MGAT1: variants seen among roughly 807,000 people sequenced by gnomAD.
The protein encoded by MGAT1 is N-glycosyl-oligosaccharide-glycoprotein N-acetylglucosaminyltransferase I.
Under a neutral mutation model 31.7 loss-of-function variants are expected in MGAT1, and 14 were observed. That is an observed-to-expected ratio of 0.44 (90% CI 0.29 to 0.69). MGAT1 has a LOEUF of 0.69. MGAT1 is among the 30% of genes least tolerant of loss of function. The pLI, the probability that MGAT1 is intolerant of heterozygous loss-of-function variation, is 0.12. For synonymous variants in MGAT1, 338 were observed against 276.0 expected, an observed-to-expected ratio of 1.22 and a Z score of -2.23; for missense variants, 557 against 626.0, an observed-to-expected ratio of 0.89 and a Z score of 1.18.
intron 1 of MGAT1, among the ~76,000 whole-genome samples, chr5:180,793,822 G>A (rs1287747225): frequency 6.6e-6 from 1 of 152,112 alleles, no homozygotes; most frequent in Non-Finnish European, 1.5e-5. Flanking sequence ...ACAAAAGCCA[G>A]AGAAATGAGA....
chr5:180,794,660 A>C (rs1218215854), intron 1 of MGAT1, among the ~76,000 whole-genome samples: 1 of 151,622 alleles, frequency 6.6e-6, no homozygotes, highest in African/African-American at 2.4e-5. Context: ...TCTGAAACAC[A>C]TGTTGGGATT....
intron 1 of MGAT1, chr5:180,795,638 G>A (rs538286423): frequency 6.6e-6 from 1 of 152,198 alleles, no homozygotes; most frequent in African/African-American, 2.4e-5. Flanking sequence ...AAGAGAGTGT[G>A]TACGAATATC....
intron 1 of MGAT1, among the ~76,000 whole-genome samples, chr5:180,812,582 A>G (rs1772644856): frequency 6.6e-6 from 1 of 152,154 alleles, no homozygotes; most frequent in South Asian, 2.1e-4. Flanking sequence ...ACACACACAC[A>G]CACATACATA....
At chr5:180,798,478 C>T (rs1769980720) in intron 1 of MGAT1, among the ~76,000 whole-genome samples, 1 of 152,202 alleles carries the variant, frequency 6.6e-6, no homozygotes, top group Non-Finnish European at 1.5e-5. Flanking sequence ...CTCAACTTCT[C>T]TCAGGCCCCC....
upstream of MGAT1, among the ~76,000 whole-genome samples, chr5:180,807,198 C>T (rs75851256): frequency 0.036 from 5,467 of 152,298 alleles, 122 homozygotes; most frequent in African/African-American, 0.063. Context: ...GTCACCCATC[C>T]TCAAGGAACA....
In MGAT1 at chr5:180,792,039, C is replaced by G. The variant is rs368127999; in HGVS notation, c.933G>C (p.Thr311=). 2 of 1,613,992 alleles carry G rather than the reference C, an allele frequency of 1.2e-6. No individual in the cohort carries two copies. Among genetic ancestry groups the G allele is most frequent in the East Asian group, 2.2e-5 (1 of 44,882 alleles). ...RACIRPEISR[T]MTFGRKGVSH... is the part of the protein sequence containing the mutation. ...TCACACCCTTGCGGCCAAAGGTCAT[C>G]GTTCTTGAGATCTCAGGGCGTATGC... is the stretch of plus-strand genomic sequence containing the variant. The change falls in exon 2 of 2, where the codon ACG becomes ACC. Residue 311 remains threonine, a synonymous_variant. Transcript: ENST00000307826.
intron 1 of MGAT1, among the ~76,000 whole-genome samples, chr5:180,797,429 A>AG (rs796983204): frequency 0.061 from 5,406 of 89,160 alleles, 140 homozygotes; most frequent in East Asian, 0.17. Flanking sequence ...AAAAAAAAAA[A>AG]GGGGGGGGGG....
intron 1 of MGAT1, among the ~76,000 whole-genome samples, chr5:180,796,682 G>C (rs958511580): frequency 6.6e-6 from 1 of 152,064 alleles, no homozygotes; most frequent in Non-Finnish European, 1.5e-5. Context: ...CATGATCTCA[G>C]CTCACTGCAA....
In MGAT1 at chr5:180,790,784, T is replaced by G. The variant is rs1276035630; in HGVS notation, c.*850A>C. 6.6e-6 allele frequency: 1 copy of G among 152,284 alleles called. No individual in the cohort carries two copies. Among genetic ancestry groups the G allele is most frequent in the Non-Finnish European group, 1.5e-5 (1 of 68,170 alleles). 9.4% of individuals were successfully genotyped at this position (152,284 alleles called of 1,614,324 possible). The stretch of plus-strand genomic sequence containing the variant: ...GCTCCACCTCATGCTGAGAGGAGCC[T>G]GTGTGTCAAACCCCAGGGGAAAAAG... On this transcript the variant is annotated 3_prime_UTR_variant, in exon 2 of 2. Transcript: ENST00000307826.
At position 180,797,403 on chromosome 5, in the gene MGAT1, C is replaced by G. The variant is rs920717105; in HGVS notation, c.-126-4306G>C. Reference sequence around the variant, plus strand: ...GATGATGAAGCAAGACTCCATCCCCCACCAAAAAAAAAAAAAAAAAAAAAA... The same window carrying G: ...GATGATGAAGCAAGACTCCATCCCCGACCAAAAAAAAAAAAAAAAAAAAAA... On this transcript the variant is annotated intron_variant, in intron 1 of 1. Coordinates refer to ENST00000307826, the MANE Select transcript of MGAT1 (RefSeq NM_002406.4). Among the ~76,000 whole-genome samples, 36 of 118,446 alleles carry G rather than the reference C, an allele frequency of 3.0e-4. 1 individual carries two copies. The highest frequency in any genetic ancestry group is 2.6e-3 in the Admixed American group (29 of 11,096). The allele number at this position is 118,446 out of a possible 152,430, so 77.7% of individuals were successfully genotyped here.
At chr5:180,801,489 C>T (rs1158597760) in intron 1 of MGAT1, among the ~76,000 whole-genome samples, 1 of 151,242 alleles carries the variant, frequency 6.6e-6, no homozygotes, top group East Asian at 1.9e-4. Flanking sequence ...AATTTCAGGA[C>T]GGAAAAAAAA....
rs773653296 is a variant in MGAT1, at chr5:180,792,837, G to A, written c.135C>T (p.Gly45=). 8 of 1,561,414 alleles carry A rather than the reference G, an allele frequency of 5.1e-6. No homozygotes were observed. The highest frequency in any genetic ancestry group is 2.7e-5 in the African/African-American group (2 of 73,650). The change falls in exon 2 of 2, where the codon GGC becomes GGT. Residue 45 remains glycine, a synonymous_variant. Transcript: ENST00000307826. ...CTTCCCGGGTGAGGCTGGCGGGGTCGCCATCGAGAGCGCTGACTGAGGGTG... is the reference window on the plus strand; with the variant it reads ...CTTCCCGGGTGAGGCTGGCGGGGTCACCATCGAGAGCGCTGACTGAGGGTG... ...GRPPSVSALD[G]DPASLTREVI...
intron 1 of MGAT1, among the ~76,000 whole-genome samples, chr5:180,794,676 C>T (rs1227570413): frequency 6.7e-6 from 1 of 149,614 alleles, no homozygotes; most frequent in Non-Finnish European, 1.5e-5. Context: ...GGATTTGATC[C>T]CCTGTGTGGT....
upstream of MGAT1, among the ~76,000 whole-genome samples, chr5:180,804,338 T>G (rs1337718391): frequency 6.6e-6 from 1 of 152,160 alleles, no homozygotes; most frequent in Non-Finnish European, 1.5e-5. Flanking sequence ...GCACACATCC[T>G]CCAGCGCCAG....
At chr5:180,807,741 G>C (rs1237634116), upstream of MGAT1, among the ~76,000 whole-genome samples, 4 of 152,198 alleles carry the variant, frequency 2.6e-5, no homozygotes, top group Non-Finnish European at 5.9e-5. Context: ...CTATTCACCT[G>C]TTCTACAACT....
At chr5:180,805,117 A>G (rs553234902), upstream of MGAT1, among the ~76,000 whole-genome samples, 1 of 152,290 alleles carries the variant, frequency 6.6e-6, no homozygotes, top group East Asian at 1.9e-4. Flanking sequence ...CATGGGGAGC[A>G]GTGACTGGAG....
intron 1 of MGAT1, among the ~76,000 whole-genome samples, chr5:180,797,436 G>GGGT (rs1769691171): frequency 3.4e-5 from 5 of 146,898 alleles, no homozygotes; most frequent in African/African-American, 1.0e-4. Context: ...AAAAGGGGGG[G>GGGT]GGGGCCCAGA....
At position 180,793,052 on chromosome 5, in the gene MGAT1, T is replaced by G; in HGVS notation, c.-81A>C. Reference sequence around the variant, plus strand: ...TGCCCGGCTCCCTTGCCCGCAGTCCTAGGGATGCCTCCTCTGGACTATGGG... The same window carrying G: ...TGCCCGGCTCCCTTGCCCGCAGTCCGAGGGATGCCTCCTCTGGACTATGGG... On this transcript the variant is annotated 5_prime_UTR_variant, in exon 2 of 2. Transcript: ENST00000307826. 1 of 1,515,876 alleles carries G rather than the reference T, an allele frequency of 6.6e-7. No individual in the cohort carries two copies. Among genetic ancestry groups the G allele is most frequent in the Non-Finnish European group, 9.0e-7 (1 of 1,113,766 alleles). 93.9% of individuals were successfully genotyped at this position (1,515,876 alleles called of 1,614,324 possible).
chr5:180,801,636 T>G (rs1770787847), intron 1 of MGAT1, among the ~76,000 whole-genome samples: 1 of 152,228 alleles, frequency 6.6e-6, no homozygotes. Flanking sequence ...GGCCTGGGAT[T>G]CAGGCGATCC....
Sources: allele counts gnomAD v4.1 joint callset (sites outside exome capture counted in the v4.1 genomes callset), GRCh38; gene constraint gnomAD v4.1.1; transcripts MANE v1.5; gene names NCBI Gene and HGNC (gene_info 2026-07-23, HGNC 2026-07-21).